Variants in LHFPL4 observed in about 807,000 individuals in gnomAD.
LHFPL4 encodes the protein LHFPL tetraspan subfamily member 4 protein.
In LHFPL4, 6 loss-of-function variants were observed where a neutral mutation model predicts 20.0. The ratio of observed to expected loss-of-function variants is 0.30; its 90% CI spans 0.16 to 0.59. LHFPL4 has a LOEUF of 0.59. LHFPL4 is among the 20% of genes least tolerant of loss of function. The probability of loss-of-function intolerance (pLI) is 0.88; values close to 1 mark genes in which losing one functional copy is unlikely to be tolerated. For missense variants in LHFPL4, 215 were observed against 331.2 expected (o/e 0.65, Z 2.72); for synonymous variants, 129 against 143.8 (o/e 0.90, Z 0.74).
chr3:9,503,657 C>T (rs1356405715), intron 3 of LHFPL4, among the ~76,000 whole-genome samples: 1 of 152,210 alleles, frequency 6.6e-6, no homozygotes, highest in Non-Finnish European at 1.5e-5. Flanking sequence ...GTTCTCTGAA[C>T]CTGGCCTTTT....
At chr3:9,507,234 C>T (rs1366452422) in intron 2 of LHFPL4, among the ~76,000 whole-genome samples, 2 of 152,212 alleles carry the variant, frequency 1.3e-5, no homozygotes, top group African/African-American at 2.4e-5. Flanking sequence ...GGCACTAGAC[C>T]AGGCCTGCGG....
chr3:9,531,577 TG>T (rs1305323614), intron 2 of LHFPL4, among the ~76,000 whole-genome samples: 1 of 151,896 alleles, frequency 6.6e-6, no homozygotes, highest in East Asian at 1.9e-4. Context: ...CCGAGGCGGG[TG>T]GATCATCTGA....
At chr3:9,529,248 C>T (rs868797229) in intron 2 of LHFPL4, among the ~76,000 whole-genome samples, 2 of 151,646 alleles carry the variant, frequency 1.3e-5, no homozygotes, top group East Asian at 3.9e-4. Flanking sequence ...AGGCTGGTCT[C>T]GAACTCCTGA....
chr3:9,548,113 G>A (rs904047091), intron 2 of LHFPL4, among the ~76,000 whole-genome samples: 1 of 152,034 alleles, frequency 6.6e-6, no homozygotes, highest in African/African-American at 2.4e-5. Flanking sequence ...GCTGATCTCC[G>A]GTTTTAGAGT....
At chr3:9,544,121 G>C (rs1227347397) in intron 2 of LHFPL4, among the ~76,000 whole-genome samples, 1 of 152,058 alleles carries the variant, frequency 6.6e-6, no homozygotes, top group African/African-American at 2.4e-5. Flanking sequence ...CTTGGAAAGG[G>C]TACTCAAGAA....
intron 2 of LHFPL4, among the ~76,000 whole-genome samples, chr3:9,515,211 A>G (rs1473564287): frequency 1.3e-5 from 2 of 152,194 alleles, no homozygotes. Context: ...ATGTAGTGCT[A>G]TCTCATTGTT....
At chr3:9,509,239 G>GCCCC (rs1470517081) in intron 2 of LHFPL4, among the ~76,000 whole-genome samples, 1 of 74,828 alleles carries the variant, frequency 1.3e-5, no homozygotes, top group African/African-American at 5.9e-5. Context: ...ATCTTTCTTC[G>GCCCC]CACCCCCCTC....
intron 2 of LHFPL4, among the ~76,000 whole-genome samples, chr3:9,515,556 T>C (rs1341081432): frequency 6.6e-6 from 1 of 151,996 alleles, no homozygotes; most frequent in Non-Finnish European, 1.5e-5. Context: ...GTATTTTTAG[T>C]AGAGATGGGG....
intron 2 of LHFPL4, 83 bp downstream of exon 2, chr3:9,552,191 G>A (rs1335160302): frequency 1.3e-6 from 2 of 1,503,812 alleles, no homozygotes; most frequent in Admixed American, 2.2e-5. Flanking sequence ...GAATCTATCC[G>A]ACTCCTTCAG....
intron 1 of LHFPL4, among the ~76,000 whole-genome samples, 168 bp downstream of exon 1, chr3:9,553,517 G>A (rs1410870594): frequency 1.3e-5 from 2 of 151,246 alleles, no homozygotes; most frequent in African/African-American, 4.9e-5. Context: ...GACCGGGGCC[G>A]GTGAGCAGCG....
intron 2 of LHFPL4, among the ~76,000 whole-genome samples, chr3:9,534,117 G>T (rs967501160): frequency 6.6e-6 from 1 of 151,620 alleles, no homozygotes; most frequent in Non-Finnish European, 1.5e-5. Context: ...CCGCTATTTG[G>T]GAGGCAGGAG....
chr3:9,503,486 A>AAC (rs2046193861), intron 3 of LHFPL4, among the ~76,000 whole-genome samples: 1 of 152,180 alleles, frequency 6.6e-6, no homozygotes, highest in African/African-American at 2.4e-5. Flanking sequence ...AGTACAGGTT[A>AAC]GCAGATCAGC....
intron 2 of LHFPL4, among the ~76,000 whole-genome samples, chr3:9,513,203 G>A (rs142619046): frequency 0.041 from 6,232 of 152,230 alleles, 176 homozygotes; most frequent in Non-Finnish European, 0.062. Context: ...CTCGTGATCC[G>A]CCTGTCTCGG....
chr3:9,527,492 C>T (rs1174999065), intron 2 of LHFPL4, among the ~76,000 whole-genome samples: 7 of 151,908 alleles, frequency 4.6e-5, no homozygotes, highest in South Asian at 2.1e-4. Flanking sequence ...TGAGGTGGGA[C>T]GATTGCTTGA....
intron 2 of LHFPL4, among the ~76,000 whole-genome samples, chr3:9,544,696 A>G (rs569013232): frequency 2.6e-5 from 4 of 152,248 alleles, no homozygotes; most frequent in African/African-American, 9.6e-5. Flanking sequence ...GGTCTCTACA[A>G]TCCAGCTCTG....
At chr3:9,523,102 G>A (rs1327009422) in intron 2 of LHFPL4, among the ~76,000 whole-genome samples, 1 of 106,438 alleles carries the variant, frequency 9.4e-6, no homozygotes, top group Non-Finnish European at 2.1e-5. Context: ...GAGAGAGAGA[G>A]AGAGAAAGCA....
chr3:9,510,861 C>T (rs919860241), intron 2 of LHFPL4, among the ~76,000 whole-genome samples: 1 of 151,556 alleles, frequency 6.6e-6, no homozygotes, highest in African/African-American at 2.4e-5. Flanking sequence ...TTCCTTGAAC[C>T]CAGGAGGCGG....
At chr3:9,523,818 A>G (rs1236962731) in intron 2 of LHFPL4, among the ~76,000 whole-genome samples, 1 of 152,054 alleles carries the variant, frequency 6.6e-6, no homozygotes, top group Admixed American at 6.6e-5. Context: ...CTTCTAACCT[A>G]TACTGTTTCC....
rs746253248 is a variant in LHFPL4, at chr3:9,552,638, G to A, written c.42C>T (p.His14=). ...CGATGGCCCGCGAGTTCCGCATGTA[G>A]TGCTCGTGGTAGAGCTTGGAGGCCT... is the stretch of plus-strand genomic sequence containing the variant. ...SQEASKLYHE[H]YMRNSRAIGV... The change falls in exon 2 of 4, where the codon CAC becomes CAT. Residue 14 remains histidine, a synonymous_variant. Coordinates refer to ENST00000287585, the MANE Select transcript of LHFPL4 (RefSeq NM_198560.3). 1 of 1,613,538 alleles carries A rather than the reference G, an allele frequency of 6.2e-7. No homozygotes were observed. Among genetic ancestry groups the A allele is most frequent in the Non-Finnish European group, 8.5e-7 (1 of 1,179,846 alleles).
Sources: gnomAD v4.1 joint callset for allele counts (sites outside exome capture counted in the v4.1 genomes callset) on GRCh38, gnomAD v4.1.1 for gene constraint, MANE v1.5 for transcripts, NCBI Gene and HGNC (gene_info 2026-07-23, HGNC 2026-07-21) for gene names.